The following HEPHL1 variants were observed in gnomAD, a reference collection of about 807,000 sequenced individuals.
The protein encoded by HEPHL1 is hephaestin like 1.
HEPHL1 carries 123 observed loss-of-function variants against 122.0 expected under a neutral mutation model. The observed-to-expected ratio is 1.01, with a 90% CI of 0.87 to 1.17. HEPHL1 has a LOEUF of 1.17. HEPHL1 is among the 50% of genes most tolerant of loss of function. HEPHL1 has a pLI of 0.00. For missense variants in HEPHL1, 1,452 were observed against 1,430.5 expected (o/e 1.01, Z -0.24); for synonymous variants, 527 against 508.9 (o/e 1.04, Z -0.48).
chr11:94,085,031 T>C (rs1441691856), intron 10 of HEPHL1, among the ~76,000 whole-genome samples: 4 of 152,232 alleles, frequency 2.6e-5, no homozygotes, highest in Non-Finnish European at 5.9e-5. Context: ...AGGTCACTCA[T>C]GTGCATGATA....
intron 16 of HEPHL1, 114 bp from the exon 17 acceptor site, chr11:94,105,877 G>A (rs1189819618): frequency 3.2e-6 from 2 of 630,098 alleles, no homozygotes; most frequent in Admixed American, 3.3e-5. Context: ...TGAGATTGTT[G>A]CATGTTTACT....
chr11:94,028,899 A>G (rs961548025), intron 1 of HEPHL1, among the ~76,000 whole-genome samples: 1 of 152,218 alleles, frequency 6.6e-6, no homozygotes, highest in African/African-American at 2.4e-5. Flanking sequence ...AATGCATAAT[A>G]TGTTCTCAAT....
intron 17 of HEPHL1, among the ~76,000 whole-genome samples, chr11:94,110,414 A>G (rs1388088137): frequency 1.3e-5 from 2 of 152,186 alleles, no homozygotes; most frequent in African/African-American, 4.8e-5. Flanking sequence ...TCCACTTCCA[A>G]ACTTACTGAT....
chr11:94,084,153 C>G lies in HEPHL1; in HGVS notation c.1867+1585C>G, dbSNP rs36052428. Among the ~76,000 whole-genome samples, 275 of 151,630 alleles carry G rather than the reference C, an allele frequency of 1.8e-3. 2 individuals carry two copies. Among genetic ancestry groups the G allele is most frequent in the African/African-American group, 6.4e-3 (266 of 41,304 alleles). ...CAGCCTGGGCAACTTAGTGAGACCC[C>G]ATCTCTACAGAAAATACAAAATTAG... On this transcript the variant is annotated intron_variant, in intron 10 of 19. Coordinates refer to ENST00000315765, the MANE Select transcript of HEPHL1 (RefSeq NM_001098672.2).
At chr11:94,036,223 T>C (rs1945721434) in intron 1 of HEPHL1, among the ~76,000 whole-genome samples, 1 of 152,212 alleles carries the variant, frequency 6.6e-6, no homozygotes, top group South Asian at 2.1e-4. Flanking sequence ...TCCCTGGGTC[T>C]GTCTCTGGAC....
At chr11:94,024,138 TCA>T (rs942836241) in intron 1 of HEPHL1, among the ~76,000 whole-genome samples, 2 of 152,178 alleles carry the variant, frequency 1.3e-5, no homozygotes, top group African/African-American at 4.8e-5. Context: ...TTTTGGATAT[TCA>T]CACTTGGGCA....
At chr11:94,067,927 A>G (rs1489368054) in intron 5 of HEPHL1, among the ~76,000 whole-genome samples, 177 bp downstream of exon 5, 2 of 152,220 alleles carry the variant, frequency 1.3e-5, no homozygotes, top group Non-Finnish European at 2.9e-5. Flanking sequence ...ATCAACAGAT[A>G]TTTATTGACC....
chr11:94,070,786 A>T (rs956377034), intron 6 of HEPHL1, among the ~76,000 whole-genome samples: 1 of 152,120 alleles, frequency 6.6e-6, no homozygotes, highest in African/African-American at 2.4e-5. Flanking sequence ...TTGATCAAAC[A>T]TTTCTTGAGT....
intron 2 of HEPHL1, among the ~76,000 whole-genome samples, chr11:94,062,374 C>T (rs1945990813): frequency 6.6e-6 from 1 of 152,198 alleles, no homozygotes; most frequent in South Asian, 2.1e-4. Context: ...TTTCTCATGA[C>T]ATCTTTCTCC....
intron 12 of HEPHL1, among the ~76,000 whole-genome samples, chr11:94,092,294 G>A (rs749989663): frequency 6.6e-6 from 1 of 152,206 alleles, no homozygotes; most frequent in Non-Finnish European, 1.5e-5. Context: ...TACGTATACA[G>A]TCTATCCTCG....
rs749277008 is a variant in HEPHL1 at position 94,064,358 on chromosome 11, G to A, written c.656G>A (p.Arg219Gln). The A allele has an allele frequency of 1.5e-5, 24 of 1,612,760 alleles. No homozygotes were observed. Among genetic ancestry groups the A allele is most frequent in the African/African-American group, 8.0e-5 (6 of 74,892 alleles). The change falls in exon 4 of 20, where the codon CGG becomes CAG. Residue 219 changes from arginine (R) to glutamine (Q), a missense_variant. Coordinates refer to ENST00000315765, the MANE Select transcript of HEPHL1 (RefSeq NM_001098672.2). ...EGILNRYSGTRNDVDREFVIM... is the reference protein window; with the variant it reads ...EGILNRYSGTQNDVDREFVIM... ...ATCCTGAATAGATATTCAGGGACAC[G>A]GAATGATGTGGATCGAGAGTTTGTT...
At chr11:94,062,890 C>T (rs939162098) in intron 2 of HEPHL1, among the ~76,000 whole-genome samples, 24 of 152,264 alleles carry the variant, frequency 1.6e-4, no homozygotes, top group African/African-American at 5.3e-4. Flanking sequence ...GACCCTCTAC[C>T]TTGTATAGCA....
rs1314130231 is a variant in HEPHL1, at chr11:94,039,126, G to A, written c.171-6547G>A. 1.1e-4 allele frequency among the ~76,000 whole-genome samples: 10 copies of A among 92,584 alleles called. No homozygotes were observed. The Admixed American group carries it at 1.1e-3, about 10-fold the overall frequency. The allele number at this position is 92,584 out of a possible 152,430, so 60.7% of individuals were successfully genotyped here. On this transcript the variant is annotated intron_variant, in intron 1 of 19. Coordinates refer to ENST00000315765, the MANE Select transcript of HEPHL1 (RefSeq NM_001098672.2). ...ACAAAGATCAAAAGAGACAAAGAAG[G>A]CCATTACATAATGGTAAAGGGATCA...
intron 17 of HEPHL1, 148 bp from the exon 18 acceptor site, chr11:94,110,755 C>G: frequency 1.6e-6 from 1 of 612,554 alleles, no homozygotes; most frequent in Non-Finnish European, 2.8e-6. Flanking sequence ...TGACTTATCT[C>G]TATTGTACTT....
chr11:94,094,157 C>A (rs1406176696), intron 13 of HEPHL1, among the ~76,000 whole-genome samples: 1 of 151,440 alleles, frequency 6.6e-6, no homozygotes, highest in Non-Finnish European at 1.5e-5. Context: ...CCTGCCCCTA[C>A]CCCACGACAG....
chr11:94,021,791 G>A (rs933793290), intron 1 of HEPHL1, among the ~76,000 whole-genome samples: 6 of 152,206 alleles, frequency 3.9e-5, no homozygotes, highest in Admixed American at 2.0e-4. Context: ...ACAACCAGGT[G>A]TTTGACAATT....
Position 94,073,086 on chromosome 11 carries a change from C to T in HEPHL1, c.1294C>T (p.Arg432Trp), listed in dbSNP as rs115754994. 2.0e-3 allele frequency: 3,167 copies of T among 1,612,686 alleles called. 17 individuals carry two copies. The highest frequency in any genetic ancestry group is 3.1e-3 in the African/African-American group (232 of 74,958). ...AATAGGAGGAAAATACTGGAAGGTTCGGTATACTGAATTTGTTGATGCAAC... is the reference window on the plus strand; with the variant it reads ...AATAGGAGGAAAATACTGGAAGGTTTGGTATACTGAATTTGTTGATGCAAC... ...NRIGGKYWKV[R>W]YTEFVDATFT... is the part of the protein sequence containing the mutation. The change falls in exon 7 of 20, where the codon CGG becomes TGG. Residue 432 changes from arginine to tryptophan, a missense_variant. Physicochemically the swap from Arg to Trp is moderately radical, Grantham distance 101 (BLOSUM62 -3). Coordinates refer to ENST00000315765, the MANE Select transcript of HEPHL1 (RefSeq NM_001098672.2).
chr11:94,075,148 A>G (rs768000322), intron 8 of HEPHL1, 26 bp from the exon 9 acceptor site: 3 of 1,595,932 alleles, frequency 1.9e-6, no homozygotes, highest in Non-Finnish European at 2.6e-6. Context: ...TGTTGTTTTG[A>G]ATAATTGTTT....
intron 5 of HEPHL1, among the ~76,000 whole-genome samples, chr11:94,068,014 C>T (rs1324595472): frequency 1.3e-5 from 2 of 152,094 alleles, no homozygotes; most frequent in African/African-American, 2.4e-5. Context: ...AGTTGTTAGA[C>T]ATAGTTAGAC....
Sources: allele counts gnomAD v4.1 joint callset (sites outside exome capture counted in the v4.1 genomes callset), GRCh38; gene constraint gnomAD v4.1.1; transcripts MANE v1.5; gene names NCBI Gene and HGNC (gene_info 2026-07-23, HGNC 2026-07-21).